RAPGEF4: variants seen among roughly 807,000 people sequenced by gnomAD.
RAPGEF4 encodes the protein RAP guanine-nucleotide-exchange factor (GEF) 4.
Under a neutral mutation model 147.9 loss-of-function variants are expected in RAPGEF4, and 66 were observed. The observed-to-expected ratio is 0.45, with a 90% CI of 0.37 to 0.55. RAPGEF4 has a LOEUF of 0.55. RAPGEF4 is among the 20% of genes least tolerant of loss of function. The probability of loss-of-function intolerance (pLI) is 0.00; values close to 1 mark genes in which losing one functional copy is unlikely to be tolerated. For synonymous variants in RAPGEF4, 419 were observed against 442.7 expected (o/e 0.95, Z 0.67); for missense variants, 1,071 against 1,257.3 (o/e 0.85, Z 2.24).
intron 10 of RAPGEF4, 69 bp from the exon 11 acceptor site, chr2:172,983,427 C>A (rs957933934): frequency 6.4e-7 from 1 of 1,552,148 alleles, no homozygotes; most frequent in South Asian, 1.2e-5. Flanking sequence ...ATGCCTGGAT[C>A]CGTTTCCATG....
At chr2:173,043,182 C>T (rs986698308) in intron 29 of RAPGEF4, among the ~76,000 whole-genome samples, 2 of 152,190 alleles carry the variant, frequency 1.3e-5, no homozygotes, top group Non-Finnish European at 2.9e-5. Context: ...TGGTTTTACA[C>T]ATGCTAAGCA....
intron 4 of RAPGEF4, among the ~76,000 whole-genome samples, chr2:172,850,031 G>A (rs1012995085): frequency 1.1e-4 from 16 of 152,182 alleles, no homozygotes; most frequent in Non-Finnish European, 1.3e-4. Context: ...TGCCCTCTTC[G>A]TGCTCTCAGT....
At chr2:172,887,193 CA>C (rs534302995) in intron 4 of RAPGEF4, among the ~76,000 whole-genome samples, 157 of 53,204 alleles carry the variant, frequency 3.0e-3, no homozygotes, top group East Asian at 0.013. Context: ...GACTCCGTCT[CA>C]AAAAAAAAAA....
chr2:172,865,840 G>A (rs914086966), intron 4 of RAPGEF4, among the ~76,000 whole-genome samples: 1 of 151,982 alleles, frequency 6.6e-6, no homozygotes, highest in African/African-American at 2.4e-5. Context: ...ATATATATGT[G>A]TGTGTGTATA....
chr2:172,840,053 C>T (rs1691411593), intron 4 of RAPGEF4, among the ~76,000 whole-genome samples: 1 of 152,196 alleles, frequency 6.6e-6, no homozygotes, highest in African/African-American at 2.4e-5. Flanking sequence ...TGTTTCATCT[C>T]TAATTCAAAG....
chr2:172,934,170 G>GTT (rs1426629639), intron 6 of RAPGEF4, among the ~76,000 whole-genome samples: 1 of 62,038 alleles, frequency 1.6e-5, no homozygotes. Context: ...TTTTTTTTGC[G>GTT]TCAGTGTCTT....
At chr2:173,019,621 GT>G (rs570844981) in intron 22 of RAPGEF4, among the ~76,000 whole-genome samples, 177 of 152,344 alleles carry the variant, frequency 1.2e-3, no homozygotes, top group African/African-American at 4.2e-3. Context: ...ATGTTTTAAG[GT>G]GAATGATTCC....
At chr2:172,985,560 G>C in intron 12 of RAPGEF4, 67 bp downstream of exon 12, 2 of 1,577,538 alleles carry the variant, frequency 1.3e-6, no homozygotes, top group Non-Finnish European at 8.6e-7. Flanking sequence ...GCCACGGGAA[G>C]CCAGGCTGCT....
chr2:172,852,824 C>T (rs1693008612), intron 4 of RAPGEF4, among the ~76,000 whole-genome samples: 1 of 151,938 alleles, frequency 6.6e-6, no homozygotes, highest in African/African-American at 2.4e-5. Flanking sequence ...TTAAAAATCA[C>T]ACATTGATAT....
At chr2:172,936,354 A>G (rs775330803) in intron 6 of RAPGEF4, among the ~76,000 whole-genome samples, 1 of 152,164 alleles carries the variant, frequency 6.6e-6, no homozygotes, top group Non-Finnish European at 1.5e-5. Context: ...ACAATAAGTG[A>G]GACTCTATCC....
At chr2:172,967,102 C>A in intron 9 of RAPGEF4, 159 bp from the exon 10 acceptor site, 2 of 670,988 alleles carry the variant, frequency 3.0e-6, no homozygotes, top group Middle Eastern at 4.2e-4. Flanking sequence ...TCATGTCTTC[C>A]AGCTGCACAG....
At chr2:172,747,159 C>T (rs1469323237) in intron 1 of RAPGEF4, among the ~76,000 whole-genome samples, 3 of 152,170 alleles carry the variant, frequency 2.0e-5, no homozygotes, top group African/African-American at 4.8e-5. Context: ...TTTGGGGCAG[C>T]GTTAGAACAG....
intron 3 of RAPGEF4, among the ~76,000 whole-genome samples, chr2:172,809,848 G>T (rs1257973942): frequency 1.3e-5 from 2 of 152,138 alleles, no homozygotes; most frequent in African/African-American, 4.8e-5. Context: ...TTACCTGTTT[G>T]TGATTGTTTA....
intron 23 of RAPGEF4, among the ~76,000 whole-genome samples, chr2:173,022,453 C>G (rs1696198200): frequency 6.6e-6 from 1 of 152,224 alleles, no homozygotes; most frequent in Non-Finnish European, 1.5e-5. Flanking sequence ...TTACCTGCCT[C>G]ACATAACTGT....
At chr2:173,045,084 C>T (rs553010050) in intron 29 of RAPGEF4, among the ~76,000 whole-genome samples, 5 of 152,242 alleles carry the variant, frequency 3.3e-5, no homozygotes, top group South Asian at 2.1e-4. Context: ...GGCTAGACTG[C>T]GAGCACCAAT....
intron 1 of RAPGEF4, among the ~76,000 whole-genome samples, chr2:172,770,814 G>A (rs992727321): frequency 1.3e-5 from 2 of 152,298 alleles, no homozygotes; most frequent in Admixed American, 6.5e-5. Context: ...TGCGGTATTG[G>A]TATACCTAAG....
In RAPGEF4 at chr2:172,816,252, G is replaced by GTC. The variant is rs149952463; in HGVS notation, c.444+1844_444+1845dup. 6.3e-4 allele frequency among the ~76,000 whole-genome samples: 95 copies of GTC among 149,854 alleles called. 1 individual carries two copies. The highest frequency in any genetic ancestry group is 1.8e-3 in the African/African-American group (73 of 40,874). On this transcript the variant is annotated intron_variant, in intron 4 of 30. Transcript: ENST00000397081. Reference sequence around the variant, plus strand: ...TCTTACATTTGATTGTTATATCTAAGTCTCTCTCTCTCTCTCTCCTCTCTC... The same window carrying GTC: ...TCTTACATTTGATTGTTATATCTAAGTCTCTCTCTCTCTCTCTCTCCTCTCTC...
At chr2:172,925,981 G>A (rs1157995374) in intron 6 of RAPGEF4, among the ~76,000 whole-genome samples, 1 of 123,310 alleles carries the variant, frequency 8.1e-6, no homozygotes, top group Non-Finnish European at 1.7e-5. Context: ...CAGAGGGAGG[G>A]AAGGGAGGAA....
chr2:172,817,879 T>G (rs1574935214), intron 4 of RAPGEF4, among the ~76,000 whole-genome samples: 1 of 29,266 alleles, frequency 3.4e-5, no homozygotes, highest in East Asian at 6.1e-4. Context: ...AATTGTGATA[T>G]ATATATATAT....
Sources: allele counts gnomAD v4.1 joint callset (sites outside exome capture counted in the v4.1 genomes callset), GRCh38; gene constraint gnomAD v4.1.1; transcripts MANE v1.5; gene names NCBI Gene and HGNC (gene_info 2026-07-23, HGNC 2026-07-21).